SLC25A24: variants seen among roughly 807,000 people sequenced by gnomAD.
SLC25A24 encodes the protein mitochondrial adenyl nucleotide antiporter SLC25A24.
SLC25A24 carries 49 observed loss-of-function variants against 60.7 expected under a neutral mutation model. The ratio of observed to expected loss-of-function variants is 0.81; its 90% CI spans 0.64 to 1.02. SLC25A24 has a LOEUF of 1.02. SLC25A24 is among the 50% of genes least tolerant of loss of function. The pLI is 0.00. For synonymous variants in SLC25A24, 202 were observed against 200.6 expected, an observed-to-expected ratio of 1.01 and a Z score of -0.06; for missense variants, 564 against 586.3, an observed-to-expected ratio of 0.96 and a Z score of 0.39.
chr1:108,185,742 G>A (rs1488365113), intron 2 of SLC25A24, 86 bp downstream of exon 2: 3 of 959,610 alleles, frequency 3.1e-6, no homozygotes, highest in Non-Finnish European at 4.6e-6. Flanking sequence ...TAAAACCAGA[G>A]AGATTAAATA....
At chr1:108,173,216 T>C (rs560366093) in intron 3 of SLC25A24, among the ~76,000 whole-genome samples, 29 of 152,276 alleles carry the variant, frequency 1.9e-4, no homozygotes, top group African/African-American at 7.0e-4. Context: ...AAATCTCATC[T>C]TGAGTTGTAG....
intron 6 of SLC25A24, among the ~76,000 whole-genome samples, chr1:108,152,338 T>C (rs1679778133): frequency 1.3e-5 from 2 of 152,084 alleles, no homozygotes; most frequent in Non-Finnish European, 1.5e-5. Context: ...GCTCCTTCTG[T>C]TTCCAATCCT....
At chr1:108,155,770 T>G (rs1571286360) in intron 5 of SLC25A24, among the ~76,000 whole-genome samples, 1 of 152,264 alleles carries the variant, frequency 6.6e-6, no homozygotes, top group East Asian at 1.9e-4. Flanking sequence ...CATGTACCCA[T>G]CCTGTGAGTA....
rs910252997 is a variant in SLC25A24 at position 108,155,222 on chromosome 1, C to T, written c.670-87G>A. 6 of 1,159,896 alleles carry T rather than the reference C, an allele frequency of 5.2e-6. No homozygotes were observed. In the African/African-American group the frequency reaches 6.3e-5, roughly 12 times the overall value. 71.9% of individuals were successfully genotyped at this position (1,159,896 alleles called of 1,614,324 possible). On this transcript the variant is annotated intron_variant, in intron 5 of 9. Transcript: ENST00000565488. ...ACAACCACACAATCTTTTTCAATAC[C>T]CTTTCTAACTGCAAGAAGATATATT...
At chr1:108,147,270 T>C (rs973007078) in intron 7 of SLC25A24, among the ~76,000 whole-genome samples, 2 of 152,228 alleles carry the variant, frequency 1.3e-5, no homozygotes, top group Non-Finnish European at 2.9e-5. Flanking sequence ...ATCCCCTTTA[T>C]CATTTTTTAT....
intron 6 of SLC25A24, among the ~76,000 whole-genome samples, chr1:108,149,086 T>C (rs1173480446): frequency 6.6e-6 from 1 of 152,206 alleles, no homozygotes; most frequent in Non-Finnish European, 1.5e-5. Flanking sequence ...TTTGGATATT[T>C]TCCCCACAGT....
intron 1 of SLC25A24, among the ~76,000 whole-genome samples, chr1:108,193,241 C>A (rs868295948): frequency 7.2e-6 from 1 of 138,386 alleles, no homozygotes; most frequent in Non-Finnish European, 1.6e-5. Context: ...CAAGGGTATA[C>A]TGTGTGATAC....
chr1:108,155,205 A>C, intron 5 of SLC25A24, 70 bp from the exon 6 acceptor site: 1 of 1,386,148 alleles, frequency 7.2e-7, no homozygotes, highest in Non-Finnish European at 9.8e-7. Flanking sequence ...GAACAACCAC[A>C]CAATCTTTTT....
intron 3 of SLC25A24, among the ~76,000 whole-genome samples, chr1:108,164,772 G>T (rs1680195420): frequency 1.4e-5 from 1 of 73,028 alleles, no homozygotes; most frequent in East Asian, 3.6e-4. Flanking sequence ...TTTTTTGAAG[G>T]GTTTTTTGTC....
rs1413010979 is a variant in SLC25A24 at position 108,182,099 on chromosome 1, A to C, written c.311-71T>G. 2.9e-6 allele frequency: 3 copies of C among 1,033,586 alleles called. No individual in the cohort carries two copies. The East Asian group carries it at 7.2e-5, about 25-fold the overall frequency. The allele number at this position is 1,033,586 out of a possible 1,614,324, so 64.0% of individuals were successfully genotyped here. ...AGAACCACAGAAATTATGAATTTCAAATCTCTCATTTAAGAGAAAGCTTTA... is the reference window on the plus strand; with the variant it reads ...AGAACCACAGAAATTATGAATTTCACATCTCTCATTTAAGAGAAAGCTTTA... On this transcript the variant is annotated intron_variant, in intron 2 of 9. Coordinates refer to ENST00000565488, the MANE Select transcript of SLC25A24 (RefSeq NM_013386.5).
At chr1:108,148,771 G>A (rs1679677820) in intron 6 of SLC25A24, among the ~76,000 whole-genome samples, 1 of 152,204 alleles carries the variant, frequency 6.6e-6, no homozygotes, top group Admixed American at 6.5e-5. Flanking sequence ...CACACACACT[G>A]TGGTATTTTA....
intron 3 of SLC25A24, among the ~76,000 whole-genome samples, chr1:108,165,099 G>A (rs1319892156): frequency 2.7e-4 from 40 of 146,558 alleles, no homozygotes; most frequent in Non-Finnish European, 3.0e-4. Flanking sequence ...GTAGTTGAGT[G>A]GTTTTGAGTG....
chr1:108,139,069 A>G lies in SLC25A24; in HGVS notation c.1238T>C (p.Met413Thr). 6.3e-7 allele frequency: 1 copy of G among 1,593,628 alleles called. No homozygotes were observed. Among genetic ancestry groups the G allele is most frequent in the Non-Finnish European group, 8.5e-7 (1 of 1,171,364 alleles). The change falls in exon 9 of 10, where the codon ATG becomes ACG. Residue 413 changes from methionine (M) to threonine (T), a missense_variant. Coordinates refer to ENST00000565488, the MANE Select transcript of SLC25A24 (RefSeq NM_013386.5). ...SYPLALVRTRMQAQAMLEGSP... is the reference protein window; with the variant it reads ...SYPLALVRTRTQAQAMLEGSP... The stretch of plus-strand genomic sequence containing the variant: ...AATCAAAAATTCACCTTGAGCCTGC[A>G]TGCGAGTTCTCACCAAAGCCAATGG...
At chr1:108,164,671 A>AG (rs1680192078) in intron 3 of SLC25A24, among the ~76,000 whole-genome samples, 2 of 149,100 alleles carry the variant, frequency 1.3e-5, no homozygotes, top group Non-Finnish European at 3.0e-5. Context: ...TGTCTATTTG[A>AG]TTCTTCTCTC....
chr1:108,157,776 G>A (rs183186546), intron 4 of SLC25A24, among the ~76,000 whole-genome samples, 156 bp from the exon 5 acceptor site: 1 of 152,226 alleles, frequency 6.6e-6, no homozygotes, highest in Non-Finnish European at 1.5e-5. Flanking sequence ...ATTATAAGTT[G>A]TCTACTCACA....
intron 1 of SLC25A24, among the ~76,000 whole-genome samples, chr1:108,193,575 A>G (rs1030513877): frequency 7.2e-5 from 10 of 139,640 alleles, no homozygotes; most frequent in Admixed American, 1.6e-4. Flanking sequence ...TCTTTATCCA[A>G]TCTGCTGCTG....
rs1419315659 is a variant in SLC25A24, at chr1:108,148,346, G to C, written c.863C>G (p.Thr288Arg). ...GGAACCAGAAATAAATCTCTCAAAT[G>C]TTCCTATTTTTTGTCCTTCTTCAGT... is the stretch of plus-strand genomic sequence containing the variant. ...LLTEEGQKIG[T>R]FERFISGSMA... The change falls in exon 7 of 10, where the codon ACA becomes AGA. Residue 288 changes from threonine (T) to arginine (R), a missense_variant. Physicochemically the swap from Thr to Arg is moderately conservative, Grantham distance 71. Transcript: ENST00000565488. 6.8e-6 allele frequency: 11 copies of C among 1,613,040 alleles called. No individual in the cohort carries two copies. Among genetic ancestry groups the C allele is most frequent in the Non-Finnish European group, 8.5e-6 (10 of 1,179,120 alleles).
rs1349826833 is a variant in SLC25A24 at position 108,192,550 on chromosome 1, C to T, written c.184-6596G>A. On this transcript the variant is annotated intron_variant, in intron 1 of 9. Transcript: ENST00000565488. ...CTACATCCTCCAGGCCTTCCTGAAGCTCAAAAATGTCCAAGGTCCCATCCT... is the reference window on the plus strand; with the variant it reads ...CTACATCCTCCAGGCCTTCCTGAAGTTCAAAAATGTCCAAGGTCCCATCCT... 8 of 1,499,700 alleles carry T rather than the reference C, an allele frequency of 5.3e-6. 2 individuals are homozygous for T. The Admixed American group carries it at 1.1e-4, about 20-fold the overall frequency. 92.9% of individuals were successfully genotyped at this position (1,499,700 alleles called of 1,614,324 possible).
At chr1:108,161,707 T>C (rs1385340807) in intron 3 of SLC25A24, among the ~76,000 whole-genome samples, 2 of 152,228 alleles carry the variant, frequency 1.3e-5, no homozygotes, top group Admixed American at 1.3e-4. Context: ...TTTTGAAATA[T>C]ACTCAAAACA....
Sources: allele counts gnomAD v4.1 joint callset (sites outside exome capture counted in the v4.1 genomes callset), GRCh38; gene constraint gnomAD v4.1.1; transcripts MANE v1.5; gene names NCBI Gene and HGNC (gene_info 2026-07-23, HGNC 2026-07-21).